GALNT17: variants seen among roughly 807,000 people sequenced by gnomAD.
The protein encoded by GALNT17 is UDP-GalNAc:polypeptide N-acetylgalactosaminyltransferase-like 3.
GALNT17 carries 29 observed loss-of-function variants against 63.7 expected under a neutral mutation model. The ratio of observed to expected loss-of-function variants is 0.46; its 90% CI spans 0.34 to 0.62. The LOEUF is 0.62. GALNT17 is among the 20% of genes least tolerant of loss of function. The pLI is 0.01. For synonymous variants in GALNT17, 305 were observed against 318.3 expected (o/e 0.96, Z 0.45); for missense variants, 603 against 799.6 (o/e 0.75, Z 2.97).
At chr7:71,250,366 A>G (rs952686297) in intron 1 of GALNT17, among the ~76,000 whole-genome samples, 1 of 152,172 alleles carries the variant, frequency 6.6e-6, no homozygotes, top group Non-Finnish European at 1.5e-5. Flanking sequence ...ATAACCAGCA[A>G]ACTTCTGGGT....
At chr7:71,526,581 A>C (rs1373575752) in intron 5 of GALNT17, among the ~76,000 whole-genome samples, 1 of 152,050 alleles carries the variant, frequency 6.6e-6, no homozygotes, top group African/African-American at 2.4e-5. Flanking sequence ...GTGCAGTGGC[A>C]CGATCTTGGC....
intron 1 of GALNT17, among the ~76,000 whole-genome samples, chr7:71,333,125 A>G (rs955697243): frequency 6.6e-6 from 1 of 152,222 alleles, no homozygotes; most frequent in Non-Finnish European, 1.5e-5. Flanking sequence ...AAAAAGTGCT[A>G]TACATATTAA....
At chr7:71,205,314 C>T (rs1456062248) in intron 1 of GALNT17, among the ~76,000 whole-genome samples, 2 of 151,818 alleles carry the variant, frequency 1.3e-5, no homozygotes, top group Non-Finnish European at 1.5e-5. Flanking sequence ...CCACCATACC[C>T]AGCTAATTTT....
At chr7:71,452,908 A>G (rs1403364211) in intron 5 of GALNT17, among the ~76,000 whole-genome samples, 1 of 152,074 alleles carries the variant, frequency 6.6e-6, no homozygotes, top group African/African-American at 2.4e-5. Flanking sequence ...GCTTTTTCTC[A>G]ATTTTTCTCC....
chr7:71,536,223 G>C (rs577348733), intron 5 of GALNT17, among the ~76,000 whole-genome samples: 91 of 152,286 alleles, frequency 6.0e-4, no homozygotes, highest in African/African-American at 2.1e-3. Flanking sequence ...CCCAGGCTCT[G>C]ATGATGCCCC....
chr7:71,323,578 C>T (rs1047019151), intron 1 of GALNT17, among the ~76,000 whole-genome samples: 1 of 152,172 alleles, frequency 6.6e-6, no homozygotes, highest in African/African-American at 2.4e-5. Flanking sequence ...TCAAAATCAT[C>T]ATCATAATTC....
chr7:71,336,971 C>T (rs1175222942), intron 2 of GALNT17, among the ~76,000 whole-genome samples: 1 of 152,078 alleles, frequency 6.6e-6, no homozygotes, highest in Non-Finnish European at 1.5e-5. Context: ...TAACCATTAC[C>T]TTTTCTTCAC....
intron 5 of GALNT17, among the ~76,000 whole-genome samples, chr7:71,498,748 A>G (rs768510356): frequency 6.6e-6 from 1 of 152,232 alleles, no homozygotes; most frequent in Non-Finnish European, 1.5e-5. Context: ...GAAGCATCAC[A>G]TTAAGAGCAA....
At chr7:71,250,128 A>C (rs1790169717) in intron 1 of GALNT17, among the ~76,000 whole-genome samples, 1 of 152,200 alleles carries the variant, frequency 6.6e-6, no homozygotes. Flanking sequence ...TAGTAGTACA[A>C]GTATTCTTTT....
chr7:71,512,310 G>A (rs1215639486), intron 5 of GALNT17, among the ~76,000 whole-genome samples: 1 of 151,960 alleles, frequency 6.6e-6, no homozygotes, highest in African/African-American at 2.4e-5. Flanking sequence ...CCGGCCCTGG[G>A]TTGCAGCCTT....
intron 1 of GALNT17, among the ~76,000 whole-genome samples, chr7:71,197,409 C>T (rs923850672): frequency 2.6e-5 from 4 of 151,116 alleles, no homozygotes; most frequent in African/African-American, 9.7e-5. Flanking sequence ...GGGGTTTCAC[C>T]GTGTTAGCCA....
At chr7:71,547,891 T>C (rs1481262087) in intron 5 of GALNT17, among the ~76,000 whole-genome samples, 2 of 151,942 alleles carry the variant, frequency 1.3e-5, no homozygotes, top group Non-Finnish European at 2.9e-5. Flanking sequence ...AGCACTAATA[T>C]TGTGTGAATC....
At chr7:71,669,560 CTT>C (rs563584462) in intron 7 of GALNT17, among the ~76,000 whole-genome samples, 5,130 of 124,910 alleles carry the variant, frequency 0.041, 79 homozygotes, top group Middle Eastern at 0.071. Flanking sequence ...GGCTTAAGAT[CTT>C]TTTTTTTTTT....
chr7:71,203,933 A>G (rs1789221894), intron 1 of GALNT17, among the ~76,000 whole-genome samples: 1 of 152,160 alleles, frequency 6.6e-6, no homozygotes, highest in South Asian at 2.1e-4. Flanking sequence ...ATGCAGTCTC[A>G]TTTGTTGATT....
chr7:71,503,823 C>T (rs1311098870), intron 5 of GALNT17, among the ~76,000 whole-genome samples: 1 of 152,134 alleles, frequency 6.6e-6, no homozygotes, highest in Non-Finnish European at 1.5e-5. Flanking sequence ...GGGCTGGGCA[C>T]CGTGGCTCAC....
intron 6 of GALNT17, among the ~76,000 whole-genome samples, chr7:71,594,667 G>A (rs1027058229): frequency 1.3e-5 from 2 of 152,172 alleles, no homozygotes; most frequent in Non-Finnish European, 2.9e-5. Flanking sequence ...AAGGGGAGGA[G>A]GCAGGCAGGA....
intron 3 of GALNT17, among the ~76,000 whole-genome samples, chr7:71,410,364 G>A (rs954727101): frequency 6.6e-6 from 1 of 151,968 alleles, no homozygotes; most frequent in African/African-American, 2.4e-5. Flanking sequence ...TCCCACCTCA[G>A]GCTCCTGAAT....
At chr7:71,149,377 C>T (rs1788090437) in intron 1 of GALNT17, among the ~76,000 whole-genome samples, 1 of 152,166 alleles carries the variant, frequency 6.6e-6, no homozygotes, top group Non-Finnish European at 1.5e-5. Context: ...CTACCAGCTG[C>T]TCCATTCTGA....
chr7:71,652,623 C>A (rs1458213384), intron 6 of GALNT17, among the ~76,000 whole-genome samples: 1 of 152,168 alleles, frequency 6.6e-6, no homozygotes, highest in African/African-American at 2.4e-5. Flanking sequence ...AGACAAAGGG[C>A]TAAAATTTGC....
Sources: allele counts gnomAD v4.1 joint callset (sites outside exome capture counted in the v4.1 genomes callset), GRCh38; gene constraint gnomAD v4.1.1; transcripts MANE v1.5; gene names NCBI Gene and HGNC (gene_info 2026-07-23, HGNC 2026-07-21).